The following AKAP6 variants were observed in gnomAD, a reference collection of about 807,000 sequenced individuals.
The protein encoded by AKAP6 is A-kinase anchoring protein 6.
AKAP6 carries 58 observed loss-of-function variants against 188.5 expected under a neutral mutation model. The observed-to-expected ratio is 0.31, with a 90% CI of 0.25 to 0.38. The LOEUF is 0.38. Ranked by LOEUF, AKAP6 falls within the 10% of genes least tolerant of loss-of-function variation. The pLI, the probability that AKAP6 is intolerant of heterozygous loss-of-function variation, is 1.00. For synonymous variants in AKAP6, 989 were observed against 998.6 expected (o/e 0.99, Z 0.18); for missense variants, 2,710 against 2,740.0 (o/e 0.99, Z 0.24).
intron 2 of AKAP6, among the ~76,000 whole-genome samples, chr14:32,510,479 T>C (rs148773110): frequency 0.012 from 1,149 of 97,850 alleles, 52 homozygotes; most frequent in South Asian, 0.11. Context: ...TATATATACA[T>C]ATATATATGT....
chr14:32,578,031 T>C (rs1884806732), intron 5 of AKAP6, among the ~76,000 whole-genome samples: 1 of 152,104 alleles, frequency 6.6e-6, no homozygotes, highest in South Asian at 2.1e-4. Context: ...ACTGATAGCA[T>C]AAAATTGACA....
At position 32,834,541 on chromosome 14, in the gene AKAP6, T is replaced by TTTTTTTTTTTTTTTG; in HGVS notation, c.*4749_*4750insTGTTTTTTTTTTTTT. ...GCTTTTAGTTTCCAAGTCTTTTTTT[T>TTTTTTTTTTTTTTTG]TTTTTTTTTTTTTAAATCTTGCATA... On this transcript the variant is annotated 3_prime_UTR_variant, in exon 14 of 14. Transcript: ENST00000280979. 6.7e-6 allele frequency: 1 copy of TTTTTTTTTTTTTTTG among 149,960 alleles called. No individual in the cohort carries two copies. Among genetic ancestry groups the TTTTTTTTTTTTTTTG allele is most frequent in the Non-Finnish European group, 1.5e-5 (1 of 67,482 alleles). The allele number at this position is 149,960 out of a possible 1,614,324, so 9.3% of individuals were successfully genotyped here.
chr14:32,502,605 GTACTCA>G (rs1880660236), intron 2 of AKAP6, among the ~76,000 whole-genome samples: 1 of 151,762 alleles, frequency 6.6e-6, no homozygotes, highest in African/African-American at 2.4e-5. Context: ...AACTTTGTAG[GTACTCA>G]TTCTTCTCTT....
At chr14:32,333,950 C>T (rs1188782626) in intron 1 of AKAP6, among the ~76,000 whole-genome samples, 1 of 152,100 alleles carries the variant, frequency 6.6e-6, no homozygotes, top group Non-Finnish European at 1.5e-5. Context: ...ATACAAGGTA[C>T]CAACTACACA....
chr14:32,577,071 A>C, intron 4 of AKAP6, 49 bp from the exon 5 acceptor site: 5 of 1,578,694 alleles, frequency 3.2e-6, no homozygotes, highest in Non-Finnish European at 4.3e-6. Flanking sequence ...ATAACCAACT[A>C]ACATGCCTTT....
At position 32,832,687 on chromosome 14, in the gene AKAP6, T is replaced by A. The variant is rs947542470; in HGVS notation, c.*2882T>A. The A allele has an allele frequency of 6.6e-6, 1 of 152,420 alleles. No homozygotes were observed. Among genetic ancestry groups the A allele is most frequent in the Non-Finnish European group, 1.5e-5 (1 of 68,052 alleles). 9.4% of individuals were successfully genotyped at this position (152,420 alleles called of 1,614,324 possible). ...GCAAACTGTTCCACTGTTGGGCATA[T>A]CTCTTTGTTAGAAAGTTCTTTCTTA... On this transcript the variant is annotated 3_prime_UTR_variant, in exon 14 of 14. Coordinates refer to ENST00000280979, the MANE Select transcript of AKAP6 (RefSeq NM_004274.5).
chr14:32,824,102 C>T lies in AKAP6; in HGVS notation c.6289C>T (p.His2097Tyr), dbSNP rs757474894. ...LTQIKEKVLE[H>Y]SHRPIQLRKG... ...TCAAATCAAGGAGAAAGTGTTGGAG[C>T]ATTCTCACCGGCCCATCCAGCTGAG... The change falls in exon 13 of 14, where the codon CAT (histidine) becomes TAT (tyrosine). Residue 2097 changes from histidine (H) to tyrosine (Y), a missense_variant. Coordinates refer to ENST00000280979, the MANE Select transcript of AKAP6 (RefSeq NM_004274.5). 4.3e-6 allele frequency: 7 copies of T among 1,613,930 alleles called. No homozygotes were observed. The highest frequency in any genetic ancestry group is 1.7e-4 in the Middle Eastern group (1 of 6,060).
At chr14:32,693,150 A>G (rs1333921865) in intron 8 of AKAP6, among the ~76,000 whole-genome samples, 1 of 152,104 alleles carries the variant, frequency 6.6e-6, no homozygotes, top group Admixed American at 6.5e-5. Flanking sequence ...GCTTATTGAA[A>G]TGGGTCTTGT....
At chr14:32,765,724 A>AT (rs397852331) in intron 11 of AKAP6, among the ~76,000 whole-genome samples, 1 of 150,710 alleles carries the variant, frequency 6.6e-6, no homozygotes, top group Non-Finnish European at 1.5e-5. Context: ...AAAAAAAAAA[A>AT]CCTACAAGTT....
intron 11 of AKAP6, among the ~76,000 whole-genome samples, chr14:32,742,491 A>G (rs1246356676): frequency 6.6e-6 from 1 of 151,274 alleles, no homozygotes; most frequent in Non-Finnish European, 1.5e-5. Flanking sequence ...TCTTTTTTTG[A>G]TGTAGGCACT....
At chr14:32,723,055 C>T (rs1240420944) in intron 9 of AKAP6, among the ~76,000 whole-genome samples, 1 of 152,196 alleles carries the variant, frequency 6.6e-6, no homozygotes, top group Non-Finnish European at 1.5e-5. Context: ...GCCCTGGCTC[C>T]TGCACCCGCT....
chr14:32,546,376 T>TCAC lies in AKAP6; in HGVS notation c.1726_1728dup (p.Pro576dup). The TCAC allele has an allele frequency of 6.2e-7, 1 of 1,614,192 alleles. No homozygotes were observed. ...GCAATTGCAGTCAGAAACATCCAGT[T>TCAC]CACCAGCTTTTACTCAGAGCAGTGA... is the stretch of plus-strand genomic sequence containing the variant. On this transcript the variant is annotated inframe_insertion, in exon 4 of 14. Transcript: ENST00000280979.
At chr14:32,370,986 C>G (rs1035405986) in intron 1 of AKAP6, among the ~76,000 whole-genome samples, 6 of 152,154 alleles carry the variant, frequency 3.9e-5, no homozygotes, top group African/African-American at 1.4e-4. Flanking sequence ...TTTAAACTCA[C>G]TCAGGCTGAT....
intron 7 of AKAP6, among the ~76,000 whole-genome samples, chr14:32,602,501 A>G (rs1474766536): frequency 6.6e-6 from 1 of 152,052 alleles, no homozygotes; most frequent in African/African-American, 2.4e-5. Flanking sequence ...TCTCTAAAAA[A>G]CAAGTCAAAA....
chr14:32,515,026 T>C (rs1166946330), intron 2 of AKAP6, among the ~76,000 whole-genome samples: 1 of 152,136 alleles, frequency 6.6e-6, no homozygotes, highest in African/African-American at 2.4e-5. Context: ...AATGTATTAG[T>C]CTGTTCTCAT....
At chr14:32,815,014 A>C (rs2034342122) in intron 12 of AKAP6, among the ~76,000 whole-genome samples, 1 of 152,022 alleles carries the variant, frequency 6.6e-6, no homozygotes, top group Non-Finnish European at 1.5e-5. Flanking sequence ...TGGGAAGAAA[A>C]CCCCTGCTTC....
intron 2 of AKAP6, among the ~76,000 whole-genome samples, chr14:32,482,417 G>A: frequency 6.6e-6 from 1 of 152,144 alleles, no homozygotes; most frequent in Non-Finnish European, 1.5e-5. Flanking sequence ...ACTTCCCCCA[G>A]ATACCCTCCT....
intron 2 of AKAP6, among the ~76,000 whole-genome samples, chr14:32,517,349 C>G (rs1881576530): frequency 6.6e-6 from 1 of 152,200 alleles, no homozygotes; most frequent in Non-Finnish European, 1.5e-5. Flanking sequence ...CAGCTGCAGT[C>G]TACAGCTCCC....
chr14:32,755,601 C>T (rs1214963857), intron 11 of AKAP6, among the ~76,000 whole-genome samples: 2 of 151,974 alleles, frequency 1.3e-5, no homozygotes, highest in Admixed American at 6.6e-5. Flanking sequence ...GATCTTGGGT[C>T]ACTGCAGCTT....
Sources: allele counts gnomAD v4.1 joint callset (sites outside exome capture counted in the v4.1 genomes callset), GRCh38; gene constraint gnomAD v4.1.1; transcripts MANE v1.5; gene names NCBI Gene and HGNC (gene_info 2026-07-23, HGNC 2026-07-21).